Variants in SHROOM2 observed in about 807,000 individuals in gnomAD.
SHROOM2 encodes the protein shroom family member 2, also known as protein Shroom2.
Under a neutral mutation model 75.9 loss-of-function variants are expected in SHROOM2, and 33 were observed. That is an observed-to-expected ratio of 0.43 (90% CI 0.33 to 0.58). The LOEUF (loss-of-function observed/expected upper bound fraction) is 0.58, where lower values mean the gene tolerates loss of function less well. Ranked by LOEUF, SHROOM2 falls within the 20% of genes least tolerant of loss-of-function variation. The probability of loss-of-function intolerance (pLI) is 0.04; values close to 1 mark genes in which losing one functional copy is unlikely to be tolerated. For missense variants in SHROOM2, 1,434 were observed against 1,461.2 expected, an observed-to-expected ratio of 0.98 and a Z score of 0.30; for synonymous variants, 655 against 663.6, an observed-to-expected ratio of 0.99 and a Z score of 0.20.
intron 5 of SHROOM2, among the ~76,000 whole-genome samples, chrX:9,923,637 C>A (rs1193837129): frequency 3.6e-5 from 4 of 111,922 alleles, no homozygotes; most frequent in Non-Finnish European, 7.5e-5. Flanking sequence ...TCCCAGGGCT[C>A]ACGCTCTGGA....
chrX:9,877,679 G>T (rs1255933099), intron 2 of SHROOM2, among the ~76,000 whole-genome samples: 1 of 112,366 alleles, frequency 8.9e-6, no homozygotes, highest in Non-Finnish European at 1.9e-5. Flanking sequence ...ATTTCGCTGG[G>T]CATTAGCAGC....
At chrX:9,855,300 A>T (rs1182693894) in intron 1 of SHROOM2, among the ~76,000 whole-genome samples, 1 of 102,928 alleles carries the variant, frequency 9.7e-6, no homozygotes, top group African/African-American at 3.5e-5. Context: ...TATAGTAAAA[A>T]AAAAAAAAAA....
rs374387368 is a variant in SHROOM2 at position 9,895,498 on chromosome X, C to T, written c.1590C>T (p.Arg530=). The change falls in exon 4 of 10, where the codon CGC becomes CGT. Residue 530 remains arginine, a synonymous_variant. Transcript: ENST00000380913. The part of the protein sequence containing the change: ...LPQPEGPPDA[R]ETGRCYPLDK... ...AGCCTGAGGGTCCTCCGGATGCCCG[C>T]GAGACAGGACGGTGTTACCCGCTGG... 1.5e-4 allele frequency: 181 copies of T among 1,203,677 alleles called. No individual in the cohort carries two copies. Among genetic ancestry groups the T allele is most frequent in the Non-Finnish European group, 1.9e-4 (170 of 892,441 alleles).
rs775055655 is a variant in SHROOM2 at position 9,897,771 on chromosome X, C to T, written c.2791-419C>T. Among the ~76,000 whole-genome samples the T allele has an allele frequency of 7.3e-5, 8 of 109,647 alleles. No homozygotes were observed. The East Asian group carries it at 1.1e-3, about 16-fold the overall frequency. Reference sequence around the variant, plus strand: ...AGAAGGCTGCTGGTTTGCTCTGTGGCGTCCCAGCCCTGAAAATCCACACAG... The same window carrying T: ...AGAAGGCTGCTGGTTTGCTCTGTGGTGTCCCAGCCCTGAAAATCCACACAG... On this transcript the variant is annotated intron_variant, in intron 4 of 9. Transcript: ENST00000380913.
chrX:9,809,314 T>C (rs777662334), intron 1 of SHROOM2, among the ~76,000 whole-genome samples: 2 of 110,788 alleles, frequency 1.8e-5, no homozygotes, highest in Non-Finnish European at 3.8e-5. Context: ...TAGACCAGTC[T>C]CTCCTTTTCA....
intron 1 of SHROOM2, among the ~76,000 whole-genome samples, chrX:9,838,528 G>A (rs1410152812): frequency 9.0e-6 from 1 of 111,394 alleles, no homozygotes; most frequent in African/African-American, 3.3e-5. Flanking sequence ...AAGGAAGGAG[G>A]GGTTATGGTA....
chrX:9,864,784 C>T (rs1312866694), intron 1 of SHROOM2, among the ~76,000 whole-genome samples: 1 of 107,267 alleles, frequency 9.3e-6, no homozygotes, highest in Non-Finnish European at 1.9e-5. Context: ...GAGATCCCGC[C>T]ACTGCACTCC....
chrX:9,926,316 G>A (rs1436401048), intron 5 of SHROOM2, among the ~76,000 whole-genome samples: 1 of 111,718 alleles, frequency 9.0e-6, no homozygotes, highest in African/African-American at 3.3e-5. Context: ...TAATCAGAAG[G>A]TCTGAAATCT....
chrX:9,867,065 T>G (rs972376893), intron 1 of SHROOM2, among the ~76,000 whole-genome samples: 1 of 111,268 alleles, frequency 9.0e-6, no homozygotes, highest in African/African-American at 3.3e-5. Flanking sequence ...CAGGATGCCC[T>G]TGCCCTTATG....
At position 9,939,232 on chromosome X, in the gene SHROOM2, G is replaced by C; in HGVS notation, c.4177G>C (p.Ala1393Pro). 1 of 1,209,548 alleles carries C rather than the reference G, an allele frequency of 8.3e-7. No homozygotes were observed. Among genetic ancestry groups the C allele is most frequent in the Non-Finnish European group, 1.1e-6 (1 of 894,536 alleles). ...CAGCGTGCCTGCGGCCGTGTCCCTG[G>C]CCACCAATTCTACCTACTACAGCAC... ...EPSVPAAVSL[A>P]TNSTYYSTSA... Residue 1393 changes from alanine to proline, a missense_variant, in exon 8 of 10, where the codon GCC (alanine) becomes CCC (proline). Transcript: ENST00000380913.
chrX:9,910,628 C>T lies in SHROOM2; in HGVS notation c.2891+12338C>T, dbSNP rs1160666238. Among the ~76,000 whole-genome samples the T allele has an allele frequency of 1.2e-4, 13 of 109,379 alleles. 1 individual carries two copies. The Admixed American group carries it at 1.3e-3, about 11-fold the overall frequency. The allele number at this position is 109,379 out of a possible 115,157, so 95.0% of individuals were successfully genotyped here. On this transcript the variant is annotated intron_variant, in intron 5 of 9. Transcript: ENST00000380913. ...GGTCAGGAGTTCGAGACCAGCCTGACCAACATGGTGAAACCCCGTCTCTAA... is the reference window on the plus strand; with the variant it reads ...GGTCAGGAGTTCGAGACCAGCCTGATCAACATGGTGAAACCCCGTCTCTAA...
At chrX:9,868,279 G>T (rs974142131) in intron 1 of SHROOM2, among the ~76,000 whole-genome samples, 4 of 108,203 alleles carry the variant, frequency 3.7e-5, no homozygotes, top group Admixed American at 1.0e-4. Context: ...GAAGTCTCAC[G>T]CTGTCGCCCA....
In SHROOM2 at chrX:9,816,675, C is replaced by A. The variant is rs139966159; in HGVS notation, c.165+29965C>A. Among the ~76,000 whole-genome samples the A allele has an allele frequency of 8.9e-3, 992 of 110,858 alleles. 7 individuals carry two copies. The highest frequency in any genetic ancestry group is 0.031 in the African/African-American group (952 of 30,431). On this transcript the variant is annotated intron_variant, in intron 1 of 9. Coordinates refer to ENST00000380913, the MANE Select transcript of SHROOM2 (RefSeq NM_001649.4). ...CTGCGAAGTGGACATGGGGTTGATT[C>A]TGGGGTTCAGACAGCGAGCGGGGTC...
intron 1 of SHROOM2, among the ~76,000 whole-genome samples, chrX:9,814,308 T>C (rs1801511072): frequency 1.8e-5 from 2 of 111,916 alleles, no homozygotes; most frequent in Admixed American, 9.5e-5. Context: ...GAGTCCCTAC[T>C]TAGTGGGCCC....
At chrX:9,792,099 T>A (rs766230818) in intron 1 of SHROOM2, among the ~76,000 whole-genome samples, 9 of 16,228 alleles carry the variant, frequency 5.5e-4, no homozygotes, top group Non-Finnish European at 7.1e-4. Context: ...TAGAATAGAA[T>A]AGAATAGAAT....
intron 1 of SHROOM2, among the ~76,000 whole-genome samples, chrX:9,827,462 C>T (rs897600416): frequency 9.2e-6 from 1 of 108,728 alleles, no homozygotes; most frequent in African/African-American, 3.3e-5. Flanking sequence ...AACATTGAGT[C>T]CCCCCGGCCA....
chrX:9,845,790 T>C (rs1261318663), intron 1 of SHROOM2, among the ~76,000 whole-genome samples: 1 of 108,882 alleles, frequency 9.2e-6, no homozygotes, highest in East Asian at 2.9e-4. Flanking sequence ...TCGCAACCCC[T>C]TCCTCTACAT....
Position 9,895,993 on chromosome X carries a change from G to A in SHROOM2, c.2085G>A (p.Thr695=), listed in dbSNP as rs760036869. The A allele has an allele frequency of 1.2e-5, 14 of 1,204,870 alleles. No individual in the cohort carries two copies. The African/African-American group carries it at 1.2e-4, about 11-fold the overall frequency. The change falls in exon 4 of 10, where the codon ACG becomes ACA. Residue 695 remains threonine (T), a synonymous_variant. Coordinates refer to ENST00000380913, the MANE Select transcript of SHROOM2 (RefSeq NM_001649.4). ...KEAQARVLRA[T]SFKRRDLDPN... ...CCCAAGCCCGGGTCCTGAGGGCCACGTCCTTCAAGCGCCGCGACTTGGACC... is the reference window on the plus strand; with the variant it reads ...CCCAAGCCCGGGTCCTGAGGGCCACATCCTTCAAGCGCCGCGACTTGGACC...
chrX:9,890,089 G>A (rs2084281987), intron 2 of SHROOM2, among the ~76,000 whole-genome samples: 1 of 112,975 alleles, frequency 8.9e-6, no homozygotes, highest in Non-Finnish European at 1.9e-5. Context: ...AGGGCTGGCT[G>A]AGTGTGGTGG....
Sources: allele counts gnomAD v4.1 joint callset (sites outside exome capture counted in the v4.1 genomes callset), GRCh38; gene constraint gnomAD v4.1.1; transcripts MANE v1.5; gene names NCBI Gene and HGNC (gene_info 2026-07-23, HGNC 2026-07-21).